The following EVI5 variants were observed in gnomAD, a reference collection of about 807,000 sequenced individuals.
EVI5 encodes the protein ecotropic viral integration site 5 protein homolog.
Under a neutral mutation model 112.0 loss-of-function variants are expected in EVI5, and 73 were observed. The observed-to-expected ratio is 0.65, with a 90% confidence interval of 0.54 to 0.79. EVI5 has a LOEUF of 0.79. Among genes scored for constraint, EVI5 ranks in the 30% least tolerant of loss-of-function variants. The probability of loss-of-function intolerance (pLI) is 0.00; values close to 1 mark genes in which losing one functional copy is unlikely to be tolerated. For missense variants in EVI5, 900 were observed against 968.8 expected (o/e 0.93, Z 0.94); for synonymous variants, 305 against 319.9 (o/e 0.95, Z 0.50).
At chr1:92,781,331 A>C (rs543524800) in intron 1 of EVI5, among the ~76,000 whole-genome samples, 1 of 151,620 alleles carries the variant, frequency 6.6e-6, no homozygotes, top group African/African-American at 2.4e-5. Context: ...ATATGTTGAA[A>C]CCCTGACTCT....
chr1:92,634,796 C>G lies in EVI5; in HGVS notation c.1527+1406G>C, dbSNP rs533081888. Reference sequence around the variant, plus strand: ...TCAGTTTTTCTGCTCTGTTTTTTCCCCATCTTTGTGGTTTTATCTACGTTT... The same window carrying G: ...TCAGTTTTTCTGCTCTGTTTTTTCCGCATCTTTGTGGTTTTATCTACGTTT... On this transcript the variant is annotated intron_variant, in intron 14 of 19. Transcript: ENST00000684568. Among the ~76,000 whole-genome samples the G allele has an allele frequency of 1.1e-3, 173 of 151,524 alleles. 1 individual carries two copies. Among genetic ancestry groups the G allele is most frequent in the African/African-American group, 3.3e-3 (133 of 40,858 alleles).
At chr1:92,635,347 G>A (rs77914433) in intron 14 of EVI5, among the ~76,000 whole-genome samples, 7 of 152,176 alleles carry the variant, frequency 4.6e-5, no homozygotes, top group South Asian at 2.1e-4. Flanking sequence ...CTTCCTGGCC[G>A]CGTTGTTTAC....
chr1:92,716,054 G>C (rs1286511295), intron 2 of EVI5, among the ~76,000 whole-genome samples: 1 of 152,172 alleles, frequency 6.6e-6, no homozygotes, highest in Non-Finnish European at 1.5e-5. Flanking sequence ...ACAAAAGGCA[G>C]CAGAAACTTC....
intron 19 of EVI5, among the ~76,000 whole-genome samples, chr1:92,518,464 C>A (rs1015903542): frequency 6.6e-6 from 1 of 151,974 alleles, no homozygotes; most frequent in Admixed American, 6.6e-5. Flanking sequence ...ATCTGGGATT[C>A]CCCCCAAAAG....
chr1:92,600,051 GAACT>G (rs1648786996), intron 18 of EVI5, among the ~76,000 whole-genome samples: 1 of 152,134 alleles, frequency 6.6e-6, no homozygotes, highest in Admixed American at 6.6e-5. Context: ...GTAAGCAGAT[GAACT>G]AACGGAGTGG....
In EVI5 at chr1:92,663,455, A is replaced by C; in HGVS notation, c.1213-3T>G. 1 of 1,397,062 alleles carries C rather than the reference A, an allele frequency of 7.2e-7. No individual in the cohort carries two copies. Among genetic ancestry groups the C allele is most frequent in the South Asian group, 1.4e-5 (1 of 72,220 alleles). The allele number at this position is 1,397,062 out of a possible 1,614,324, so 86.5% of individuals were successfully genotyped here. A position where few individuals can be genotyped will look rare whatever the true frequency, so the allele number is the denominator to read the frequency against. ...CTATCTGCCAAGGAAGCACTTTCCTACAAAAGGAAAAATTCAGATAGAAAT... is the reference window on the plus strand; with the variant it reads ...CTATCTGCCAAGGAAGCACTTTCCTCCAAAAGGAAAAATTCAGATAGAAAT... On this transcript the variant is annotated splice_region_variant and splice_polypyrimidine_tract_variant and intron_variant, in intron 11 of 19. Transcript: ENST00000684568.
chr1:92,542,401 T>A (rs1245608901), intron 19 of EVI5, among the ~76,000 whole-genome samples: 2 of 152,208 alleles, frequency 1.3e-5, no homozygotes, highest in Non-Finnish European at 2.9e-5. Flanking sequence ...TTCCACTACA[T>A]CTGCAGTGAC....
At chr1:92,750,137 A>C (rs886866870) in intron 1 of EVI5, among the ~76,000 whole-genome samples, 1 of 152,244 alleles carries the variant, frequency 6.6e-6, no homozygotes, top group African/African-American at 2.4e-5. Flanking sequence ...AACAAAGATC[A>C]TGCAAATTTT....
chr1:92,565,960 A>AT, intron 18 of EVI5, among the ~76,000 whole-genome samples: 1 of 149,082 alleles, frequency 6.7e-6, no homozygotes, highest in Admixed American at 6.7e-5. Flanking sequence ...AAAAAAAAAA[A>AT]AAAAAAAAGA....
intron 1 of EVI5, chr1:92,756,018 G>A (rs553499680): frequency 4.6e-6 from 1 of 216,666 alleles, no homozygotes; most frequent in African/African-American, 2.3e-5. Context: ...AACTATTTAT[G>A]GATTGCTATG....
chr1:92,548,505 G>T (rs1666195224), intron 19 of EVI5, among the ~76,000 whole-genome samples: 1 of 152,128 alleles, frequency 6.6e-6, no homozygotes, highest in African/African-American at 2.4e-5. Flanking sequence ...GGGCAATCAG[G>T]CAGGAGAAAG....
intron 2 of EVI5, chr1:92,733,167 T>C: frequency 8.8e-6 from 2 of 227,088 alleles, no homozygotes; most frequent in South Asian, 1.6e-4. Flanking sequence ...GATTGCTAAA[T>C]TGGATTGTCC....
At chr1:92,696,803 C>CG (rs1670389865) in intron 6 of EVI5, among the ~76,000 whole-genome samples, 1 of 152,134 alleles carries the variant, frequency 6.6e-6, no homozygotes, top group Non-Finnish European at 1.5e-5. Context: ...CTTTGGAAGG[C>CG]CAAGGCGGGC....
chr1:92,784,252 A>C, intron 1 of EVI5: 7 of 965,732 alleles, frequency 7.2e-6, no homozygotes, highest in Non-Finnish European at 8.6e-6. Flanking sequence ...AATCCAACCT[A>C]CCGGAAATCC....
chr1:92,532,591 G>A (rs1402224761), intron 19 of EVI5, among the ~76,000 whole-genome samples: 2 of 152,208 alleles, frequency 1.3e-5, no homozygotes, highest in Non-Finnish European at 2.9e-5. Flanking sequence ...CAGTCTCTCA[G>A]ACCACAGTGC....
At chr1:92,658,213 A>C (rs1663344356) in intron 13 of EVI5, among the ~76,000 whole-genome samples, 1 of 152,238 alleles carries the variant, frequency 6.6e-6, no homozygotes, top group Admixed American at 6.5e-5. Flanking sequence ...CTCTTATTCA[A>C]CATAGTACTA....
intron 18 of EVI5, among the ~76,000 whole-genome samples, chr1:92,596,789 A>G (rs1026490838): frequency 6.6e-6 from 1 of 152,156 alleles, no homozygotes; most frequent in Non-Finnish European, 1.5e-5. Context: ...CAGGCTTTAT[A>G]TAATTTTTGG....
At chr1:92,519,200 T>G (rs1228370292) in intron 19 of EVI5, among the ~76,000 whole-genome samples, 2 of 152,106 alleles carry the variant, frequency 1.3e-5, no homozygotes, top group African/African-American at 4.8e-5. Flanking sequence ...TCTTTTGTCT[T>G]TGATGGAAGA....
chr1:92,770,594 T>C (rs940326804), intron 1 of EVI5, among the ~76,000 whole-genome samples: 2 of 151,912 alleles, frequency 1.3e-5, no homozygotes, highest in Admixed American at 6.6e-5. Context: ...ATCAAGACCA[T>C]CCTGGCTAAC....
Sources: allele counts gnomAD v4.1 joint callset (sites outside exome capture counted in the v4.1 genomes callset), GRCh38; gene constraint gnomAD v4.1.1; transcripts MANE v1.5; gene names NCBI Gene and HGNC (gene_info 2026-07-23, HGNC 2026-07-21).